Variants in SPRY1 observed in about 807,000 individuals in gnomAD.
SPRY1 encodes the protein sprouty RTK signaling antagonist 1.
Under a neutral mutation model 22.6 loss-of-function variants are expected in SPRY1, and 20 were observed. The observed-to-expected ratio is 0.89, with a 90% confidence interval of 0.62 to 1.29. The LOEUF (loss-of-function observed/expected upper bound fraction) is 1.29. SPRY1 is among the 50% of genes most tolerant of loss of function. The pLI is 0.00. For synonymous variants in SPRY1, 155 were observed against 144.7 expected (o/e 1.07, Z -0.51); for missense variants, 446 against 387.7 (o/e 1.15, Z -1.26).
chr4:123,402,701 T>TC lies in SPRY1; in HGVS notation c.*151dup. 1 of 1,021,104 alleles carries TC rather than the reference T, an allele frequency of 9.8e-7. No homozygotes were observed. Among genetic ancestry groups the TC allele is most frequent in the Non-Finnish European group, 1.4e-6 (1 of 709,690 alleles). 63.3% of individuals were successfully genotyped at this position (1,021,104 alleles called of 1,614,324 possible). Reference sequence around the variant, plus strand: ...CCAAGGTCTAACTCATGGATTTTTCTCTTTCCTCATGGATGATCTTCAGCA... The same window carrying TC: ...CCAAGGTCTAACTCATGGATTTTTCTCCTTTCCTCATGGATGATCTTCAGCA... On this transcript the variant is annotated 3_prime_UTR_variant, in exon 3 of 3. Coordinates refer to ENST00000651917, the MANE Select transcript of SPRY1 (RefSeq NM_001258038.2).
Position 123,402,286 on chromosome 4 carries a change from G to T in SPRY1, c.695G>T (p.Cys232Phe). 1 of 1,614,224 alleles carries T rather than the reference G, an allele frequency of 6.2e-7. No individual in the cohort carries two copies. Among genetic ancestry groups the T allele is most frequent in the Non-Finnish European group, 8.5e-7 (1 of 1,180,038 alleles). Residue 232 changes from cysteine (C) to phenylalanine (F), a missense_variant, in exon 3 of 3, where the codon TGC becomes TTC. Physicochemically the swap from Cys to Phe is radical, Grantham distance 205. Transcript: ENST00000651917. ...TTAGTCAAGGGCATCTTCTACCACT[G>T]CTCCAATGACGACGAAGGGGATTCC... ...MCLVKGIFYH[C>F]SNDDEGDSYS...
intron 2 of SPRY1, among the ~76,000 whole-genome samples, chr4:123,398,818 G>C (rs939657387): frequency 6.6e-6 from 1 of 152,172 alleles, no homozygotes; most frequent in Non-Finnish European, 1.5e-5. Context: ...GGTGGCCCAG[G>C]TTGTCCTCTC....
intron 1 of SPRY1, 101 bp from the exon 2 acceptor site, chr4:123,397,510 G>C (rs1396691075): frequency 6.6e-6 from 1 of 152,316 alleles, no homozygotes; most frequent in African/African-American, 2.4e-5. Context: ...GGGAGCACAT[G>C]GCAACGGGCT....
intron 2 of SPRY1, among the ~76,000 whole-genome samples, chr4:123,399,308 G>A (rs775209056): frequency 6.6e-6 from 1 of 151,872 alleles, no homozygotes; most frequent in East Asian, 1.9e-4. Flanking sequence ...CCCGGGAGGC[G>A]GAGGTTGCAG....
Position 123,401,849 on chromosome 4 carries a change from T to C in SPRY1, c.258T>C (p.Asn86=). 1 of 1,614,186 alleles carries C rather than the reference T, an allele frequency of 6.2e-7. No individual in the cohort carries two copies. The highest frequency in any genetic ancestry group is 8.5e-7 in the Non-Finnish European group (1 of 1,180,034). The change falls in exon 3 of 3, where the codon AAT becomes AAC. Residue 86 remains asparagine, a synonymous_variant. Transcript: ENST00000651917. ...ATGAAATCATACCAATTAATGTGAATAATAACTACGAGCACAGACACACAA... is the reference window on the plus strand; with the variant it reads ...ATGAAATCATACCAATTAATGTGAACAATAACTACGAGCACAGACACACAA... The part of the protein sequence containing the change: ...RTHEIIPINV[N]NNYEHRHTSH...
In SPRY1 at chr4:123,402,097, C is replaced by T; in HGVS notation, c.506C>T (p.Ser169Phe). 6.2e-7 allele frequency: 1 copy of T among 1,614,174 alleles called. No homozygotes were observed. The highest frequency in any genetic ancestry group is 8.5e-7 in the Non-Finnish European group (1 of 1,180,030). The stretch of plus-strand genomic sequence containing the variant: ...CTGATTGTGGATGACTTGAAGGGTT[C>T]CTTGAAAGAGGACCTGACACAGCAC... ...KQLIVDDLKGSLKEDLTQHKF... is the reference protein window; with the variant it reads ...KQLIVDDLKGFLKEDLTQHKF... The change falls in exon 3 of 3, where the codon TCC (serine) becomes TTC (phenylalanine). Residue 169 changes from serine (S) to phenylalanine (F), a missense_variant. Transcript: ENST00000651917.
rs1229142864 is a variant in SPRY1, at chr4:123,403,638, CTG to C, written c.*1089_*1090del. 1.2e-5 allele frequency: 2 copies of C among 166,980 alleles called. No homozygotes were observed. Among genetic ancestry groups the C allele is most frequent in the Non-Finnish European group, 2.9e-5 (2 of 68,104 alleles). 10.3% of individuals were successfully genotyped at this position (166,980 alleles called of 1,614,324 possible). A position where few individuals can be genotyped will look rare whatever the true frequency, so the allele number is the denominator to read the frequency against. ...ATTTTATGGTATTTATTGCAAAAGACTGTTGAAATGTACTCATGTTTGAATAT... is the reference window on the plus strand; with the variant it reads ...ATTTTATGGTATTTATTGCAAAAGACTTGAAATGTACTCATGTTTGAATAT... On this transcript the variant is annotated 3_prime_UTR_variant, in exon 3 of 3. Coordinates refer to ENST00000651917, the MANE Select transcript of SPRY1 (RefSeq NM_001258038.2).
chr4:123,399,175 G>C (rs541263147), intron 2 of SPRY1, among the ~76,000 whole-genome samples: 94 of 152,234 alleles, frequency 6.2e-4, no homozygotes, highest in African/African-American at 2.0e-3. Context: ...TCAGGAGTTC[G>C]AGACCAGCCC....
intron 2 of SPRY1, among the ~76,000 whole-genome samples, chr4:123,398,940 C>CGT (rs373515572): frequency 5.2e-4 from 79 of 151,786 alleles, no homozygotes; most frequent in Admixed American, 3.9e-3. Context: ...TGTGTGTGTG[C>CGT]GTGTGTGTGT....
At chr4:123,398,691 TG>T (rs1436614412) in intron 2 of SPRY1, among the ~76,000 whole-genome samples, 2 of 151,502 alleles carry the variant, frequency 1.3e-5, no homozygotes, top group East Asian at 3.9e-4. Context: ...CCCTGCCCCC[TG>T]GGGGCCGCGG....
At chr4:123,400,848 G>C (rs1386444703) in intron 2 of SPRY1, among the ~76,000 whole-genome samples, 1 of 151,938 alleles carries the variant, frequency 6.6e-6, no homozygotes, top group Non-Finnish European at 1.5e-5. Context: ...TCATTCACTG[G>C]ACTATACATT....
rs376002138 is a variant in SPRY1, at chr4:123,400,300, T to TA, written c.-55-1236dup. 2.0e-3 allele frequency: 303 copies of TA among 152,274 alleles called. 2 individuals are homozygous for TA. The highest frequency in any genetic ancestry group is 6.5e-3 in the African/African-American group (269 of 41,552). The allele number at this position is 152,274 out of a possible 1,614,324, so 9.4% of individuals were successfully genotyped here. ...CTCCAAGAAGTTAACATGTAAGACA[T>TA]AGTTTAGAGACATTAGTTTAGGAAA... On this transcript the variant is annotated intron_variant, in intron 2 of 2. Coordinates refer to ENST00000651917, the MANE Select transcript of SPRY1 (RefSeq NM_001258038.2).
Position 123,397,851 on chromosome 4 carries a change from A to T in SPRY1, c.-61A>T, listed in dbSNP as rs1724975523. On this transcript the variant is annotated 5_prime_UTR_variant, in exon 2 of 3. Coordinates refer to ENST00000651917, the MANE Select transcript of SPRY1 (RefSeq NM_001258038.2). Reference sequence around the variant, plus strand: ...CCCCGCTAAAAAAAAAAAAAAAAAGAAAAGGGTAAAAAAATCCCCCTCCCC... The same window carrying T: ...CCCCGCTAAAAAAAAAAAAAAAAAGTAAAGGGTAAAAAAATCCCCCTCCCC... 6.8e-6 allele frequency: 1 copy of T among 147,520 alleles called. No homozygotes were observed. Among genetic ancestry groups the T allele is most frequent in the Non-Finnish European group, 1.5e-5 (1 of 66,538 alleles). 9.1% of individuals were successfully genotyped at this position (147,520 alleles called of 1,614,324 possible).
Position 123,403,002 on chromosome 4 carries a change from A to G in SPRY1, c.*451A>G, listed in dbSNP as rs544318735. On this transcript the variant is annotated 3_prime_UTR_variant, in exon 3 of 3. Transcript: ENST00000651917. ...ATTAAATCTGTCTCCAGTTAGGGCT[A>G]TCTTCCTAGCATAGGCCCCTTAAGT... The G allele has an allele frequency of 9.1e-5, 38 of 415,718 alleles. No individual in the cohort carries two copies. The highest frequency in any genetic ancestry group is 2.9e-4 in the Admixed American group (7 of 24,470). The allele number at this position is 415,718 out of a possible 1,614,324, so 25.8% of individuals were successfully genotyped here. A position where few individuals can be genotyped will look rare whatever the true frequency, so the allele number is the denominator to read the frequency against.
At position 123,402,008 on chromosome 4, in the gene SPRY1, A is replaced by G; in HGVS notation, c.417A>G (p.Ser139=). 1 of 1,614,182 alleles carries G rather than the reference A, an allele frequency of 6.2e-7. No homozygotes were observed. The highest frequency in any genetic ancestry group is 2.2e-5 in the East Asian group (1 of 44,870). The change falls in exon 3 of 3, where the codon TCA becomes TCG. Residue 139 remains serine, a synonymous_variant. Transcript: ENST00000651917. ...ASSEQGLLGR[S]PPTRPVPGHR... is the part of the protein sequence containing the mutation. Reference sequence around the variant, plus strand: ...CTGAACAGGGACTGTTAGGAAGGTCACCACCAACCAGACCAGTCCCTGGTC... The same window carrying G: ...CTGAACAGGGACTGTTAGGAAGGTCGCCACCAACCAGACCAGTCCCTGGTC...
chr4:123,401,484 A>C, intron 2 of SPRY1, 53 bp from the exon 3 acceptor site: 2 of 1,378,508 alleles, frequency 1.5e-6, no homozygotes, highest in South Asian at 1.4e-5. Context: ...CCCCCAAAAA[A>C]AATGCTTCCT....
intron 2 of SPRY1, chr4:123,399,623 T>TA (rs1471318683): frequency 1.3e-5 from 2 of 152,258 alleles, no homozygotes; most frequent in Non-Finnish European, 2.9e-5. Context: ...GCTTTTCCTT[T>TA]AAAGCATAGA....
In SPRY1 at chr4:123,397,807, C is replaced by T. The variant is rs1163002457; in HGVS notation, c.-105C>T. On this transcript the variant is annotated 5_prime_UTR_variant, in exon 2 of 3. Transcript: ENST00000651917. ...TCTCTCTCCGAGAAGGATCCCCAAA[C>T]CTCACTCTCTTCACTCCTCCCCGCT... The T allele has an allele frequency of 6.7e-6, 1 of 148,670 alleles. No homozygotes were observed. The highest frequency in any genetic ancestry group is 1.5e-5 in the Non-Finnish European group (1 of 67,312). The allele number at this position is 148,670 out of a possible 1,614,324, so 9.2% of individuals were successfully genotyped here.
At chr4:123,398,661 G>A (rs1383663562) in intron 2 of SPRY1, 1 of 152,068 alleles carries the variant, frequency 6.6e-6, no homozygotes, top group Non-Finnish European at 1.5e-5. Flanking sequence ...ACCTCGCTCG[G>A]CGCGGCCCCT....
Sources: gnomAD v4.1 joint callset for allele counts (sites outside exome capture counted in the v4.1 genomes callset) on GRCh38, gnomAD v4.1.1 for gene constraint, MANE v1.5 for transcripts, NCBI Gene and HGNC (gene_info 2026-07-23, HGNC 2026-07-21) for gene names.